DGKB: variants seen among roughly 807,000 people sequenced by gnomAD.
DGKB encodes the protein 90 kDa diacylglycerol kinase.
A neutral mutation model predicts 114.3 loss-of-function variants in DGKB; 67 were observed. That is an observed-to-expected ratio of 0.59 (90% CI 0.48 to 0.72). DGKB has a LOEUF of 0.72. Among genes scored for constraint, DGKB ranks in the 30% least tolerant of loss-of-function variants. The pLI, the probability that DGKB is intolerant of heterozygous loss-of-function variation, is 0.00. For missense variants in DGKB, 907 were observed against 975.2 expected (o/e 0.93, Z 0.93); for synonymous variants, 398 against 323.1 (o/e 1.23, Z -2.49).
At chr7:14,573,467 C>CTGTGTGTG (rs4027158) in intron 20 of DGKB, among the ~76,000 whole-genome samples, 7 of 145,596 alleles carry the variant, frequency 4.8e-5, no homozygotes, top group South Asian at 2.3e-4. Flanking sequence ...TAATCTATCT[C>CTGTGTGTG]TGTGTGTGTG....
intron 1 of DGKB, among the ~76,000 whole-genome samples, chr7:14,927,933 T>C (rs915951647): frequency 1.3e-5 from 2 of 151,922 alleles, no homozygotes; most frequent in African/African-American, 2.4e-5. Flanking sequence ...GCTAGTATCT[T>C]GGATGCAATT....
At chr7:14,921,329 GAGA>G (rs1191521971) in intron 1 of DGKB, among the ~76,000 whole-genome samples, 1 of 152,114 alleles carries the variant, frequency 6.6e-6, no homozygotes, top group African/African-American at 2.4e-5. Context: ...TGGCAAAATG[GAGA>G]AGGAGAAGGG....
intron 12 of DGKB, among the ~76,000 whole-genome samples, chr7:14,681,096 T>C (rs1820746100): frequency 1.4e-5 from 2 of 139,942 alleles, no homozygotes; most frequent in African/African-American, 5.2e-5. Flanking sequence ...TGACATATGT[T>C]TGTAAATGCT....
chr7:14,300,709 A>G (rs1803392093), intron 23 of DGKB, among the ~76,000 whole-genome samples: 2 of 152,112 alleles, frequency 1.3e-5, no homozygotes, highest in South Asian at 4.1e-4. Context: ...TTACTTAAGG[A>G]CATGAAGAAT....
intron 23 of DGKB, among the ~76,000 whole-genome samples, chr7:14,285,011 TAATAAAAA>T (rs1800639746): frequency 8.0e-6 from 1 of 125,052 alleles, no homozygotes; most frequent in Non-Finnish European, 1.7e-5. Flanking sequence ...TAAAGTATAA[TAATAAAAA>T]AATAAAAAAA....
intron 21 of DGKB, among the ~76,000 whole-genome samples, chr7:14,356,695 T>C (rs1198752317): frequency 2.0e-5 from 3 of 152,066 alleles, no homozygotes; most frequent in Non-Finnish European, 4.4e-5. Context: ...GATGTTAGGG[T>C]GTGGATTTTA....
At chr7:14,878,469 G>A (rs1257739911) in intron 1 of DGKB, among the ~76,000 whole-genome samples, 1 of 152,060 alleles carries the variant, frequency 6.6e-6, no homozygotes, top group Non-Finnish European at 1.5e-5. Context: ...GAGTTGGCCA[G>A]GCACCGTGGC....
At chr7:14,815,540 T>TG (rs1265367146) in intron 2 of DGKB, among the ~76,000 whole-genome samples, 1 of 152,224 alleles carries the variant, frequency 6.6e-6, no homozygotes, top group Non-Finnish European at 1.5e-5. Flanking sequence ...ATTATTTTTT[T>TG]CTCTTGCTTA....
At chr7:14,488,848 A>AAAAC (rs371637280) in intron 20 of DGKB, among the ~76,000 whole-genome samples, 72,888 of 146,374 alleles carry the variant, frequency 0.5, 18,243 homozygotes, top group East Asian at 0.75. Context: ...AAAACAAAAA[A>AAAAC]AAACAAAAAA....
chr7:14,425,492 C>A (rs1351136781), intron 21 of DGKB, among the ~76,000 whole-genome samples: 1 of 151,984 alleles, frequency 6.6e-6, no homozygotes, highest in Non-Finnish European at 1.5e-5. Context: ...ATAATCCTGA[C>A]ATAAAGGTCA....
At chr7:14,817,321 A>T (rs567298408) in intron 2 of DGKB, among the ~76,000 whole-genome samples, 2 of 152,360 alleles carry the variant, frequency 1.3e-5, no homozygotes, top group East Asian at 3.9e-4. Flanking sequence ...TAATACATGT[A>T]TAGTTACACC....
At chr7:14,292,856 A>T (rs1410701018) in intron 23 of DGKB, among the ~76,000 whole-genome samples, 2 of 152,200 alleles carry the variant, frequency 1.3e-5, no homozygotes, top group Admixed American at 6.5e-5. Flanking sequence ...AGAACAAGAC[A>T]AATAAACAGA....
In DGKB at chr7:14,170,150, AAAG is replaced by A. The variant is rs1780706100; in HGVS notation, c.2304+6686_2304+6688del. ...ACTCCATCTCAAAAAAAAAAAAAAG[AAAG>A]AAAGAAAGAAAGAAAGAAAGAAAGA... is the stretch of plus-strand genomic sequence containing the variant. On this transcript the variant is annotated intron_variant, in intron 25 of 25. Coordinates refer to ENST00000402815, the MANE Select transcript of DGKB (RefSeq NM_001350709.2). 2.9e-3 allele frequency among the ~76,000 whole-genome samples: 87 copies of A among 29,850 alleles called. 2 individuals are homozygous for A. The highest frequency in any genetic ancestry group is 4.0e-3 in the Non-Finnish European group (75 of 18,640). 19.6% of individuals were successfully genotyped at this position (29,850 alleles called of 152,430 possible).
chr7:14,570,259 A>G (rs1371909280), intron 20 of DGKB, among the ~76,000 whole-genome samples: 1 of 152,060 alleles, frequency 6.6e-6, no homozygotes, highest in Non-Finnish European at 1.5e-5. Flanking sequence ...CAGTTTTGCT[A>G]ACATTACGAA....
At chr7:14,704,909 C>T (rs1317125484) in intron 6 of DGKB, among the ~76,000 whole-genome samples, 15 of 152,176 alleles carry the variant, frequency 9.9e-5, no homozygotes, top group Non-Finnish European at 2.1e-4. Flanking sequence ...AAAATCAGAG[C>T]GCCTCTCCTC....
At chr7:14,899,085 G>A (rs1782568508) in intron 1 of DGKB, among the ~76,000 whole-genome samples, 2 of 152,074 alleles carry the variant, frequency 1.3e-5, no homozygotes, top group African/African-American at 2.4e-5. Flanking sequence ...CTTTGTTAGT[G>A]TTTGTCTTCT....
At chr7:14,291,196 C>T (rs1801714863) in intron 23 of DGKB, among the ~76,000 whole-genome samples, 1 of 148,446 alleles carries the variant, frequency 6.7e-6, no homozygotes, top group South Asian at 2.1e-4. Context: ...CTTGGATGAG[C>T]TATGACGTAA....
chr7:14,354,022 T>C (rs1317601606), intron 21 of DGKB, among the ~76,000 whole-genome samples: 1 of 152,214 alleles, frequency 6.6e-6, no homozygotes, highest in East Asian at 1.9e-4. Flanking sequence ...GAAGTCTGTA[T>C]AGACCAGTGA....
At chr7:14,449,605 C>T (rs1831186913) in intron 21 of DGKB, among the ~76,000 whole-genome samples, 1 of 152,034 alleles carries the variant, frequency 6.6e-6, no homozygotes, top group Admixed American at 6.6e-5. Flanking sequence ...CTACTACTTT[C>T]AATTGCCTAT....
Sources: gnomAD v4.1 joint callset for allele counts (sites outside exome capture counted in the v4.1 genomes callset) on GRCh38, gnomAD v4.1.1 for gene constraint, MANE v1.5 for transcripts, NCBI Gene and HGNC (gene_info 2026-07-23, HGNC 2026-07-21) for gene names.